EFNA5: variants seen among roughly 807,000 people sequenced by gnomAD.
EFNA5 encodes ephrin-A5.
In EFNA5, 5 loss-of-function variants were observed where a neutral mutation model predicts 22.9. The observed-to-expected ratio is 0.22, with a 90% CI of 0.11 to 0.46. The LOEUF (loss-of-function observed/expected upper bound fraction) is 0.46, where lower values mean the gene tolerates loss of function less well. Among genes scored for constraint, EFNA5 ranks in the 20% least tolerant of loss-of-function variants. EFNA5 has a pLI of 0.99. For synonymous variants in EFNA5, 113 were observed against 112.2 expected, an observed-to-expected ratio of 1.01 and a Z score of -0.04; for missense variants, 237 against 293.3, an observed-to-expected ratio of 0.81 and a Z score of 1.40.
chr5:107,417,492 G>A (rs1426774409), intron 2 of EFNA5, among the ~76,000 whole-genome samples: 1 of 152,100 alleles, frequency 6.6e-6, no homozygotes, highest in African/African-American at 2.4e-5. Context: ...TTAAACAGAG[G>A]TAAGCCATAT....
At chr5:107,473,573 G>C (rs1561401778) in intron 1 of EFNA5, among the ~76,000 whole-genome samples, 1 of 151,904 alleles carries the variant, frequency 6.6e-6, no homozygotes, top group Non-Finnish European at 1.5e-5. Context: ...GTGTGGAACA[G>C]ATGCCAAACC....
intron 1 of EFNA5, among the ~76,000 whole-genome samples, chr5:107,491,925 C>T (rs911272903): frequency 6.6e-6 from 1 of 152,252 alleles, no homozygotes; most frequent in Middle Eastern, 3.4e-3. Context: ...ACCTCCGCCT[C>T]CAGGGATCAA....
intron 2 of EFNA5, among the ~76,000 whole-genome samples, chr5:107,421,441 T>C (rs2112414481): frequency 6.6e-6 from 1 of 152,288 alleles, no homozygotes; most frequent in South Asian, 2.1e-4. Context: ...CGTAATTCAG[T>C]CTGGATGGTG....
At chr5:107,443,902 T>A (rs1328189734) in intron 1 of EFNA5, among the ~76,000 whole-genome samples, 1 of 152,162 alleles carries the variant, frequency 6.6e-6, no homozygotes, top group Non-Finnish European at 1.5e-5. Context: ...TTCAAAAAGA[T>A]ATGGTGTAAA....
At chr5:107,617,692 C>G (rs1749951870) in intron 1 of EFNA5, among the ~76,000 whole-genome samples, 1 of 152,148 alleles carries the variant, frequency 6.6e-6, no homozygotes, top group Non-Finnish European at 1.5e-5. Context: ...TTCTTCTTTT[C>G]TACCTTCTAG....
At chr5:107,521,207 C>T in intron 1 of EFNA5, among the ~76,000 whole-genome samples, 1 of 152,116 alleles carries the variant, frequency 6.6e-6, no homozygotes, top group Non-Finnish European at 1.5e-5. Flanking sequence ...GCTCAGAACG[C>T]TTACATTAGC....
chr5:107,552,515 G>C (rs1201952518), intron 1 of EFNA5, among the ~76,000 whole-genome samples: 1 of 152,132 alleles, frequency 6.6e-6, no homozygotes, highest in African/African-American at 2.4e-5. Flanking sequence ...GATAACTACA[G>C]GCTCCAAAGT....
intron 1 of EFNA5, among the ~76,000 whole-genome samples, chr5:107,615,262 A>C (rs1749888943): frequency 6.6e-6 from 1 of 152,164 alleles, no homozygotes; most frequent in South Asian, 2.1e-4. Context: ...GGCACCATGG[A>C]AGCCTCAGTT....
chr5:107,451,147 C>T (rs914078222), intron 1 of EFNA5, among the ~76,000 whole-genome samples: 2 of 152,172 alleles, frequency 1.3e-5, no homozygotes, highest in Non-Finnish European at 2.9e-5. Flanking sequence ...CAATAAATCC[C>T]CTTTGATCTC....
At chr5:107,577,755 C>A (rs1748953826) in intron 1 of EFNA5, among the ~76,000 whole-genome samples, 1 of 152,214 alleles carries the variant, frequency 6.6e-6, no homozygotes, top group South Asian at 2.1e-4. Context: ...ACCCTTCAAT[C>A]ACGTTAGACA....
chr5:107,524,143 G>A (rs1297417281), intron 1 of EFNA5, among the ~76,000 whole-genome samples: 3 of 152,284 alleles, frequency 2.0e-5, no homozygotes, highest in South Asian at 2.1e-4. Flanking sequence ...AATCTTTACC[G>A]TAGATGAAGT....
rs535279881 is a variant in EFNA5, at chr5:107,474,919, A to G, written c.126-47410T>C. On this transcript the variant is annotated intron_variant, in intron 1 of 4. Transcript: ENST00000333274. ...GGTTCCTACCATTCAAGGCCTATAC[A>G]ATTTACATAAAAATCATTGTCATTA... 4.6e-5 allele frequency among the ~76,000 whole-genome samples: 7 copies of G among 152,322 alleles called. No individual in the cohort carries two copies. The East Asian group carries it at 7.7e-4, about 17-fold the overall frequency.
At chr5:107,486,561 T>C (rs752144057) in intron 1 of EFNA5, among the ~76,000 whole-genome samples, 1 of 152,240 alleles carries the variant, frequency 6.6e-6, no homozygotes, top group East Asian at 1.9e-4. Context: ...CTTCTCCTTC[T>C]GGGCGTATGA....
intron 1 of EFNA5, among the ~76,000 whole-genome samples, chr5:107,544,247 C>A (rs1224643447): frequency 1.3e-5 from 2 of 152,156 alleles, no homozygotes; most frequent in Non-Finnish European, 2.9e-5. Context: ...ATAGTTCTGA[C>A]AACAGAAGAT....
intron 1 of EFNA5, among the ~76,000 whole-genome samples, chr5:107,603,879 C>T (rs1489404592): frequency 6.6e-6 from 1 of 152,182 alleles, no homozygotes; most frequent in Non-Finnish European, 1.5e-5. Context: ...GGTTCCTGCT[C>T]ATAGAACAAA....
intron 1 of EFNA5, among the ~76,000 whole-genome samples, chr5:107,531,625 G>A: frequency 6.6e-6 from 1 of 152,164 alleles, no homozygotes; most frequent in Non-Finnish European, 1.5e-5. Context: ...GCAGAAGCTG[G>A]CTGCTGACCT....
chr5:107,439,062 C>G (rs1030889999), intron 1 of EFNA5, among the ~76,000 whole-genome samples: 1 of 152,148 alleles, frequency 6.6e-6, no homozygotes, highest in Admixed American at 6.6e-5. Context: ...GACTGAATGT[C>G]TGTCTCTCCC....
chr5:107,518,112 G>C (rs982958601), intron 1 of EFNA5, among the ~76,000 whole-genome samples: 1 of 152,046 alleles, frequency 6.6e-6, no homozygotes, highest in African/African-American at 2.4e-5. Flanking sequence ...TCTGCTACAG[G>C]AGAGATGAAA....
intron 1 of EFNA5, among the ~76,000 whole-genome samples, chr5:107,434,378 A>G (rs1300617596): frequency 6.6e-6 from 1 of 152,180 alleles, no homozygotes; most frequent in Non-Finnish European, 1.5e-5. Flanking sequence ...CATTGAAAGG[A>G]CACTCAGGCA....
Sources: allele counts gnomAD v4.1 joint callset (sites outside exome capture counted in the v4.1 genomes callset), GRCh38; gene constraint gnomAD v4.1.1; transcripts MANE v1.5; gene names NCBI Gene and HGNC (gene_info 2026-07-23, HGNC 2026-07-21).